Variants in CLCNKB observed in about 807,000 individuals in gnomAD.
CLCNKB encodes the protein chloride voltage-gated channel Kb, also known as chloride channel protein ClC-Kb.
CLCNKB carries 74 observed loss-of-function variants against 83.8 expected under a neutral mutation model. The ratio of observed to expected loss-of-function variants is 0.88; its 90% CI spans 0.73 to 1.07. CLCNKB has a LOEUF of 1.07. Ranked by LOEUF, CLCNKB falls within the 50% of genes least tolerant of loss-of-function variation. The pLI is 0.00. For synonymous variants in CLCNKB, 358 were observed against 356.6 expected, an observed-to-expected ratio of 1.00 and a Z score of -0.04; for missense variants, 798 against 893.6, an observed-to-expected ratio of 0.89 and a Z score of 1.36.
chr1:16,047,350 C>T (rs1020874500), intron 4 of CLCNKB, among the ~76,000 whole-genome samples: 10 of 152,178 alleles, frequency 6.6e-5, no homozygotes, highest in African/African-American at 2.4e-4. Flanking sequence ...GAGGCTGAGG[C>T]GGGAGGACTG....
intron 15 of CLCNKB, among the ~76,000 whole-genome samples, chr1:16,052,697 G>A (rs2023333624): frequency 1.3e-5 from 2 of 152,292 alleles, no homozygotes; most frequent in East Asian, 1.9e-4. Flanking sequence ...GAGAGGTGCC[G>A]TGTCTTGCTC....
Position 16,051,505 on chromosome 1 carries a change from A to G in CLCNKB, c.1255A>G (p.Ile419Val), listed in dbSNP as rs6650119. 0.11 allele frequency: 181,617 copies of G among 1,610,144 alleles called. 11,742 individuals carry two copies. Among genetic ancestry groups the G allele is most frequent in the African/African-American group, 0.22 (16,332 of 74,750 alleles). ...KFWMLILATTIPMPAGYFMPI... is the reference protein window; with the variant it reads ...KFWMLILATTVPMPAGYFMPI... ...CTGGATGCTGATTCTGGCCACCACC[A>G]TCCCCATGCCTGCCGGGTACTTCAT... Residue 419 changes from isoleucine to valine, a missense_variant, in exon 13 of 20, where the codon ATC becomes GTC. Physicochemically the swap from Ile to Val is conservative, Grantham distance 29. Coordinates refer to ENST00000375679, the MANE Select transcript of CLCNKB (RefSeq NM_000085.5).
At chr1:16,052,147 C>A in intron 14 of CLCNKB, 51 bp from the exon 15 acceptor site, 1 of 1,606,758 alleles carries the variant, frequency 6.2e-7, no homozygotes. Flanking sequence ...CTTGCCCTAA[C>A]ATGAGGCTGG....
intron 4 of CLCNKB, 108 bp from the exon 5 acceptor site, chr1:16,047,797 G>A: frequency 7.8e-7 from 1 of 1,286,672 alleles, no homozygotes; most frequent in Non-Finnish European, 1.1e-6. Flanking sequence ...ACTTCAGAGG[G>A]TTCTGCTGAT....
chr1:16,046,680 T>C lies in CLCNKB; in HGVS notation c.358+17T>C. On this transcript the variant is annotated intron_variant, in intron 4 of 19. Transcript: ENST00000375679. ...CCTCTGGAGGTGAGTCCACAGTCGC[T>C]ACGCCAGTCCCCACTGGCCAAAACC... The C allele has an allele frequency of 6.2e-7, 1 of 1,604,900 alleles. No individual in the cohort carries two copies. Among genetic ancestry groups the C allele is most frequent in the South Asian group, 1.1e-5 (1 of 90,266 alleles).
chr1:16,045,498 G>A, intron 2 of CLCNKB, 60 bp from the exon 3 acceptor site: 1 of 1,602,186 alleles, frequency 6.2e-7, no homozygotes, highest in Non-Finnish European at 8.5e-7. Flanking sequence ...AGGCCTCCAA[G>A]GATGGGACTG....
Position 16,053,679 on chromosome 1 carries a change from A to T in CLCNKB, c.1663A>T (p.Ile555Phe). The T allele has an allele frequency of 6.2e-7, 1 of 1,613,952 alleles. No homozygotes were observed. The highest frequency in any genetic ancestry group is 8.5e-7 in the Non-Finnish European group (1 of 1,180,006). ...GGTGGAGCACTTCATGAACCACAGC[A>T]TCACCACACTGGCCAAGGACATGCC... is the stretch of plus-strand genomic sequence containing the variant. ...VRVEHFMNHS[I>F]TTLAKDMPLE... The change falls in exon 16 of 20, where the codon ATC becomes TTC. Residue 555 changes from isoleucine (I) to phenylalanine (F), a missense_variant. By Grantham distance (21) the Ile-to-Phe change is conservative (BLOSUM62 0). Transcript: ENST00000375679.
chr1:16,050,816 G>T, intron 11 of CLCNKB, 59 bp from the exon 12 acceptor site: 2 of 1,608,188 alleles, frequency 1.2e-6, no homozygotes, highest in Non-Finnish European at 1.7e-6. Flanking sequence ...CGGTGCGGGG[G>T]AGGCTGGGGT....
intron 1 of CLCNKB, 108 bp from the exon 2 acceptor site, chr1:16,044,378 C>CACACGCACAT: frequency 1.4e-6 from 1 of 739,308 alleles, no homozygotes; most frequent in Non-Finnish European, 2.4e-6. Flanking sequence ...CACACACACA[C>CACACGCACAT]GCACAATCTT....
At chr1:16,056,583 G>T (rs1282228262) in intron 19 of CLCNKB, 75 bp downstream of exon 19, 25 of 1,110,784 alleles carry the variant, frequency 2.3e-5, no homozygotes, top group African/African-American at 4.7e-5. Flanking sequence ...GAGGTGGGGT[G>T]GGGGGGACAC....
At chr1:16,049,334 T>C in intron 8 of CLCNKB, 89 bp downstream of exon 8, 1 of 1,574,966 alleles carries the variant, frequency 6.3e-7, no homozygotes, top group South Asian at 1.2e-5. Flanking sequence ...CCCCTTGCTC[T>C]TCCTTTCCCT....
In CLCNKB at chr1:16,044,534, C is replaced by A. The variant is rs1417735592; in HGVS notation, c.42C>A (p.Asn14Lys). 6.2e-7 allele frequency: 1 copy of A among 1,607,304 alleles called. No homozygotes were observed. Among genetic ancestry groups the A allele is most frequent in the African/African-American group, 1.3e-5 (1 of 75,002 alleles). Residue 14 changes from asparagine to lysine, a missense_variant, in exon 2 of 20, where the codon AAC becomes AAA. Transcript: ENST00000375679. ...GGCTGCGTGAAGGCTCCTCAGGGAACCCTGTGACTCTGCAGGAGCTGTGGG... is the reference window on the plus strand; with the variant it reads ...GGCTGCGTGAAGGCTCCTCAGGGAAACCTGTGACTCTGCAGGAGCTGTGGG... ...FVGLREGSSGNPVTLQELWGP... is the reference protein window; with the variant it reads ...FVGLREGSSGKPVTLQELWGP...
Position 16,043,938 on chromosome 1 carries a change from G to GC in CLCNKB, c.-8+58_-8+59insC, listed in dbSNP as rs59346437. 3 of 59,684 alleles carry GC rather than the reference G, an allele frequency of 5.0e-5. 1 individual carries two copies. Among genetic ancestry groups the GC allele is most frequent in the African/African-American group, 1.4e-4 (3 of 21,030 alleles). 3.7% of individuals were successfully genotyped at this position (59,684 alleles called of 1,614,324 possible). A position where few individuals can be genotyped will look rare whatever the true frequency, so the allele number is the denominator to read the frequency against. On this transcript the variant is annotated intron_variant, in intron 1 of 19. Coordinates refer to ENST00000375679, the MANE Select transcript of CLCNKB (RefSeq NM_000085.5). ...CAGGGCCAGACAGGCAGGGCGGGGG[G>GC]GGGGGGGTGGTAAGGGCAGGAGCCA...
rs763545404 is a variant in CLCNKB, at chr1:16,055,555, C to T, written c.1845+32C>T. On this transcript the variant is annotated intron_variant, in intron 17 of 19. Transcript: ENST00000375679. ...ACTCCTGAGGGGCATGGGGATGGGG[C>T]GGGGGTGGGTCAGCAGGAATGGGAG... 16 of 697,170 alleles carry T rather than the reference C, an allele frequency of 2.3e-5. 1 individual carries two copies. Among genetic ancestry groups the T allele is most frequent in the South Asian group, 1.3e-4 (9 of 71,194 alleles). The allele number at this position is 697,170 out of a possible 1,614,324, so 43.2% of individuals were successfully genotyped here.
Position 16,049,218 on chromosome 1 carries a change from C to G in CLCNKB, c.754C>G (p.Leu252Val), listed in dbSNP as rs2023203147. ...AATCGAFMFR[L>V]LAVFNSEQET... Reference sequence around the variant, plus strand: ...CACCTGCGGGGCCTTCATGTTCCGGCTCCTGGCGGTCTTCAACAGCGAGCA... The same window carrying G: ...CACCTGCGGGGCCTTCATGTTCCGGGTCCTGGCGGTCTTCAACAGCGAGCA... Residue 252 changes from leucine to valine, a missense_variant, in exon 8 of 20, where the codon CTC becomes GTC. Leu to Val is a conservative substitution (Grantham distance 32, BLOSUM62 1). Transcript: ENST00000375679. 1.2e-6 allele frequency: 2 copies of G among 1,613,732 alleles called. No individual in the cohort carries two copies. Among genetic ancestry groups the G allele is most frequent in the South Asian group, 1.1e-5 (1 of 91,086 alleles).
chr1:16,050,766 C>T (rs1045254484), intron 11 of CLCNKB, 109 bp from the exon 12 acceptor site: 33 of 1,563,204 alleles, frequency 2.1e-5, no homozygotes, highest in African/African-American at 5.4e-5. Context: ...CAAGGCCCCC[C>T]GCTGGGAAGT....
Position 16,048,051 on chromosome 1 carries a change from G to C in CLCNKB, c.498+7G>C, listed in dbSNP as rs1443260796. The C allele has an allele frequency of 6.2e-7, 1 of 1,612,278 alleles. No homozygotes were observed. Among genetic ancestry groups the C allele is most frequent in the East Asian group, 2.2e-5 (1 of 44,850 alleles). ...CCTCTTCCTCGGGAAAGTGGTATGG[G>C]CAGGGGTGAGGGCATCCCAACCACC... On this transcript the variant is annotated splice_region_variant and intron_variant, in intron 5 of 19. Coordinates refer to ENST00000375679, the MANE Select transcript of CLCNKB (RefSeq NM_000085.5).
chr1:16,048,746 G>A (rs1229775323), intron 7 of CLCNKB, 164 bp downstream of exon 7: 25 of 1,476,216 alleles, frequency 1.7e-5, no homozygotes, highest in Non-Finnish European at 2.1e-5. Context: ...CGGGGGGAGG[G>A]GGGGCGGGTG....
chr1:16,052,866 A>G (rs767233000), intron 15 of CLCNKB, among the ~76,000 whole-genome samples: 43 of 152,274 alleles, frequency 2.8e-4, no homozygotes, highest in South Asian at 4.1e-4. Flanking sequence ...AGCTTCTGGC[A>G]CCAGAAAAGC....
Sources: gnomAD v4.1 joint callset for allele counts (sites outside exome capture counted in the v4.1 genomes callset) on GRCh38, gnomAD v4.1.1 for gene constraint, MANE v1.5 for transcripts, NCBI Gene and HGNC (gene_info 2026-07-23, HGNC 2026-07-21) for gene names.